The following RNF121 variants were observed in gnomAD, a reference collection of about 807,000 sequenced individuals.
RNF121 encodes the protein E3 ubiquitin ligase RNF121.
A neutral mutation model predicts 46.5 loss-of-function variants in RNF121; 21 were observed. The ratio of observed to expected loss-of-function variants is 0.45; its 90% CI spans 0.32 to 0.65. The LOEUF is 0.65. RNF121 is among the 30% of genes least tolerant of loss of function. The probability of loss-of-function intolerance (pLI) is 0.04; values close to 1 mark genes in which losing one functional copy is unlikely to be tolerated. For missense variants in RNF121, 346 were observed against 416.0 expected, an observed-to-expected ratio of 0.83 and a Z score of 1.46; for synonymous variants, 139 against 144.7, an observed-to-expected ratio of 0.96 and a Z score of 0.28.
chr11:71,960,774 C>T lies in RNF121; in HGVS notation c.126C>T (p.Ala42=). Residue 42 remains alanine, a synonymous_variant, in exon 3 of 9, where the codon GCC becomes GCT. Transcript: ENST00000361756. The part of the protein sequence containing the change: ...QWRVEHARMH[A]KHRGHEAMHA... ...GGGTCGAGCACGCACGCATGCATGC[C>T]AAGCACCGTGGCCATGAAGCTATGC... 2 of 1,614,054 alleles carry T rather than the reference C, an allele frequency of 1.2e-6. No homozygotes were observed. Among genetic ancestry groups the T allele is most frequent in the African/African-American group, 1.3e-5 (1 of 75,032 alleles).
At chr11:71,993,473 C>CTTTGT (rs1309171384) in intron 6 of RNF121, among the ~76,000 whole-genome samples, 4 of 19,718 alleles carry the variant, frequency 2.0e-4, no homozygotes, top group Non-Finnish European at 1.3e-3. Context: ...AATATTTGTC[C>CTTTGT]CTTTGGCTTT....
At chr11:71,959,096 G>C (rs187586254) in intron 2 of RNF121, among the ~76,000 whole-genome samples, 1 of 152,194 alleles carries the variant, frequency 6.6e-6, no homozygotes, top group Admixed American at 6.5e-5. Flanking sequence ...ACAGATGTGA[G>C]GTTAATTGGC....
intron 1 of RNF121, among the ~76,000 whole-genome samples, chr11:71,950,460 T>C (rs547096612): frequency 6.6e-6 from 1 of 151,976 alleles, no homozygotes; most frequent in East Asian, 2.0e-4. Context: ...GGCTTGCACC[T>C]GTAATCCCAG....
At chr11:71,969,730 A>C (rs564222194) in intron 3 of RNF121, among the ~76,000 whole-genome samples, 66 of 152,146 alleles carry the variant, frequency 4.3e-4, no homozygotes, top group African/African-American at 1.5e-3. Context: ...TGCCTGGCTA[A>C]TTTAAAAATT....
chr11:71,958,906 C>T (rs2134174444), intron 2 of RNF121, among the ~76,000 whole-genome samples: 1 of 152,290 alleles, frequency 6.6e-6, no homozygotes, highest in Admixed American at 6.5e-5. Flanking sequence ...ATTTTGTGCA[C>T]ATCCGTTCAC....
rs144506010 is a variant in RNF121, at chr11:71,949,005, G to A, written c.64-8222G>A. On this transcript the variant is annotated intron_variant, in intron 1 of 8. Coordinates refer to ENST00000361756, the MANE Select transcript of RNF121 (RefSeq NM_018320.5). ...GGCTTACACAGCATTTTGTGTATAT[G>A]TCAAAGGTTATCCTTATCATATTAT... is the stretch of plus-strand genomic sequence containing the variant. Among the ~76,000 whole-genome samples the A allele has an allele frequency of 3.7e-4, 57 of 152,262 alleles. No individual in the cohort carries two copies. In the East Asian group the frequency reaches 0.01, roughly 27 times the overall value.
At chr11:71,988,013 C>A (rs1476989901) in intron 5 of RNF121, among the ~76,000 whole-genome samples, 1 of 152,178 alleles carries the variant, frequency 6.6e-6, no homozygotes, top group African/African-American at 2.4e-5. Context: ...AGCTGACATT[C>A]GACAAGATTT....
intron 1 of RNF121, among the ~76,000 whole-genome samples, chr11:71,938,385 T>C (rs1953475283): frequency 1.4e-5 from 2 of 141,422 alleles, no homozygotes; most frequent in Admixed American, 7.7e-5. Context: ...CAGTGGTAGA[T>C]CTCTGCTCAC....
At chr11:71,951,605 C>G (rs1389731356) in intron 1 of RNF121, among the ~76,000 whole-genome samples, 1 of 150,114 alleles carries the variant, frequency 6.7e-6, no homozygotes, top group Non-Finnish European at 1.5e-5. Context: ...CCACTGTACT[C>G]CAGCCTGGGC....
chr11:71,990,811 G>A, intron 6 of RNF121, 94 bp downstream of exon 6: 1 of 1,468,270 alleles, frequency 6.8e-7, no homozygotes, highest in African/African-American at 1.4e-5. Context: ...AGGCACTAGG[G>A]TGAGATAAGC....
chr11:71,989,126 C>T (rs184525169), intron 5 of RNF121, among the ~76,000 whole-genome samples: 4 of 152,044 alleles, frequency 2.6e-5, no homozygotes, highest in Admixed American at 2.0e-4. Context: ...GCTTTGTCGC[C>T]TAGGCTAGAG....
At chr11:71,989,970 C>A (rs1019206652) in intron 5 of RNF121, among the ~76,000 whole-genome samples, 1 of 152,104 alleles carries the variant, frequency 6.6e-6, no homozygotes, top group African/African-American at 2.4e-5. Context: ...ACTTATATAA[C>A]AAGAGAAAAA....
chr11:71,970,496 A>C (rs1306254013), intron 3 of RNF121, among the ~76,000 whole-genome samples: 1 of 152,048 alleles, frequency 6.6e-6, no homozygotes, highest in Non-Finnish European at 1.5e-5. Flanking sequence ...CCCCATTTCT[A>C]CTAAAAATTT....
intron 1 of RNF121, among the ~76,000 whole-genome samples, chr11:71,941,356 C>T (rs1354636758): frequency 2.0e-5 from 3 of 152,190 alleles, no homozygotes; most frequent in Non-Finnish European, 4.4e-5. Flanking sequence ...AATTCGTTCA[C>T]TCATGTATTC....
chr11:71,929,152 A>T, intron 1 of RNF121, 28 bp downstream of exon 1: 1 of 1,546,188 alleles, frequency 6.5e-7, no homozygotes, highest in Non-Finnish European at 8.7e-7. Flanking sequence ...ACGAGGAGAG[A>T]CTCAACCTGA....
At chr11:71,972,164 A>G (rs769741026) in intron 3 of RNF121, among the ~76,000 whole-genome samples, 2 of 152,184 alleles carry the variant, frequency 1.3e-5, no homozygotes, top group African/African-American at 2.4e-5. Flanking sequence ...ATAAAAATAC[A>G]AGCAGAGAAA....
intron 6 of RNF121, among the ~76,000 whole-genome samples, chr11:71,994,075 C>T (rs542725512): frequency 3.0e-4 from 46 of 152,064 alleles, no homozygotes; most frequent in Non-Finnish European, 5.7e-4. Context: ...CTCCTGACCT[C>T]GTGATCCGCC....
rs1954983621 is a variant in RNF121 at position 71,996,597 on chromosome 11, C to T, written c.*282C>T. The T allele has an allele frequency of 1.4e-5, 4 of 286,182 alleles. No homozygotes were observed. The highest frequency in any genetic ancestry group is 9.1e-5 in the South Asian group (2 of 22,008). The allele number at this position is 286,182 out of a possible 1,614,324, so 17.7% of individuals were successfully genotyped here. Reference sequence around the variant, plus strand: ...GGAATTGCCCCCCTCCAGGCTTCACCCTCCCTGCCTAAGCAGGGTGGGGGC... The same window carrying T: ...GGAATTGCCCCCCTCCAGGCTTCACTCTCCCTGCCTAAGCAGGGTGGGGGC... On this transcript the variant is annotated 3_prime_UTR_variant, in exon 9 of 9. Transcript: ENST00000361756.
intron 5 of RNF121, among the ~76,000 whole-genome samples, chr11:71,988,366 G>A (rs1222874652): frequency 6.6e-6 from 1 of 152,170 alleles, no homozygotes; most frequent in Non-Finnish European, 1.5e-5. Flanking sequence ...ATCAAGAGGA[G>A]CCCTAAGCCT....
Sources: allele counts gnomAD v4.1 joint callset (sites outside exome capture counted in the v4.1 genomes callset), GRCh38; gene constraint gnomAD v4.1.1; transcripts MANE v1.5; gene names NCBI Gene and HGNC (gene_info 2026-07-23, HGNC 2026-07-21).